Variants in EPC1 observed in about 807,000 individuals in gnomAD.
EPC1 encodes enhancer of polycomb 1, also known as enhancer of polycomb homolog 1.
Under a neutral mutation model 98.4 loss-of-function variants are expected in EPC1, and 12 were observed. The ratio of observed to expected loss-of-function variants is 0.12; its 90% CI spans 0.08 to 0.20. The LOEUF (loss-of-function observed/expected upper bound fraction) is 0.20, where lower values mean the gene tolerates loss of function less well. Ranked by LOEUF, EPC1 falls within the 10% of genes least tolerant of loss-of-function variation. The pLI is 1.00. For missense variants in EPC1, 729 were observed against 990.5 expected (o/e 0.74, Z 3.54); for synonymous variants, 357 against 363.9 (o/e 0.98, Z 0.21).
intron 1 of EPC1, among the ~76,000 whole-genome samples, chr10:32,326,753 G>C (rs760550227): frequency 6.6e-6 from 1 of 152,018 alleles, no homozygotes; most frequent in Non-Finnish European, 1.5e-5. Context: ...TCTAGAGGAA[G>C]AGGTTAAAAA....
rs1345107479 is a variant in EPC1 at position 32,269,016 on chromosome 10, C to A, written c.*47G>T. 3 of 1,494,506 alleles carry A rather than the reference C, an allele frequency of 2.0e-6. No individual in the cohort carries two copies. The highest frequency in any genetic ancestry group is 1.9e-6 in the Non-Finnish European group (2 of 1,074,444). The allele number at this position is 1,494,506 out of a possible 1,614,324, so 92.6% of individuals were successfully genotyped here. ...CCTTGCATTCAAAATGCTACTGATG[C>A]ATAGCACCTAATCAAGTCCCCAGGC... is the stretch of plus-strand genomic sequence containing the variant. On this transcript the variant is annotated 3_prime_UTR_variant, in exon 14 of 14. Transcript: ENST00000319778.
chr10:32,311,661 A>G (rs1356641736), intron 1 of EPC1, among the ~76,000 whole-genome samples: 3 of 152,208 alleles, frequency 2.0e-5, no homozygotes, highest in Non-Finnish European at 2.9e-5. Flanking sequence ...ATCTCAGTGG[A>G]TGGCTGAAAC....
intron 1 of EPC1, among the ~76,000 whole-genome samples, chr10:32,359,627 A>G (rs960586678): frequency 6.6e-6 from 1 of 152,194 alleles, no homozygotes; most frequent in Non-Finnish European, 1.5e-5. Flanking sequence ...TTTTTGAATG[A>G]TAGTTTTACC....
chr10:32,330,466 G>A (rs1378105808), intron 1 of EPC1, among the ~76,000 whole-genome samples: 4 of 152,144 alleles, frequency 2.6e-5, no homozygotes, highest in South Asian at 2.1e-4. Context: ...TACATCACAA[G>A]TATGCCTTTC....
At chr10:32,368,776 T>C (rs1458469330) in intron 1 of EPC1, among the ~76,000 whole-genome samples, 4 of 152,198 alleles carry the variant, frequency 2.6e-5, no homozygotes, top group Non-Finnish European at 4.4e-5. Flanking sequence ...TATTTTGATC[T>C]CTGAAATCAG....
At chr10:32,292,777 C>G in intron 4 of EPC1, 133 bp from the exon 5 acceptor site, 1 of 925,382 alleles carries the variant, frequency 1.1e-6, no homozygotes, top group Non-Finnish European at 1.5e-6. Context: ...CACAGATCAC[C>G]AGGAAATCAA....
chr10:32,324,453 C>T (rs1158680612), intron 1 of EPC1, among the ~76,000 whole-genome samples: 1 of 150,776 alleles, frequency 6.6e-6, no homozygotes, highest in Non-Finnish European at 1.5e-5. Flanking sequence ...ATCGCTTGAA[C>T]TCGAGATGCC....
chr10:32,316,546 A>G (rs1836557148), intron 1 of EPC1, among the ~76,000 whole-genome samples: 1 of 152,224 alleles, frequency 6.6e-6, no homozygotes, highest in African/African-American at 2.4e-5. Context: ...AAAACACCAT[A>G]GGGAGTAAAA....
At chr10:32,345,731 C>T in intron 1 of EPC1, 2 of 613,240 alleles carry the variant, frequency 3.3e-6, no homozygotes, top group Non-Finnish European at 2.0e-6. Flanking sequence ...TCAACATTTA[C>T]GTGCTGAAAC....
At position 32,286,858 on chromosome 10, in the gene EPC1, C is replaced by T. The variant is rs917839681; in HGVS notation, c.1243-16G>A. The stretch of plus-strand genomic sequence containing the variant: ...CTAAGTGAGGCTTAAAAAAAAAAAT[C>T]CAAATTATTTAATTTTGTCAGTTAA... On this transcript the variant is annotated splice_polypyrimidine_tract_variant and intron_variant, in intron 8 of 13. Coordinates refer to ENST00000319778, the MANE Select transcript of EPC1 (RefSeq NM_001272004.3). The T allele has an allele frequency of 1.9e-6, 3 of 1,606,766 alleles. No homozygotes were observed. The highest frequency in any genetic ancestry group is 1.1e-5 in the South Asian group (1 of 89,898).
At chr10:32,323,833 T>G (rs919753085) in intron 1 of EPC1, among the ~76,000 whole-genome samples, 2 of 152,222 alleles carry the variant, frequency 1.3e-5, no homozygotes, top group Admixed American at 1.3e-4. Context: ...AATGTTGCCA[T>G]GAGGATTAAA....
Position 32,294,395 on chromosome 10 carries a change from T to C in EPC1, c.314-658A>G, listed in dbSNP as rs12416184. On this transcript the variant is annotated intron_variant, in intron 2 of 13. Transcript: ENST00000319778. ...TTTTTTCACATATACTTTATATGCA[T>C]AGCCTGATGGTGATTTTATGTAATA... Among the ~76,000 whole-genome samples, 214 of 152,352 alleles carry C rather than the reference T, an allele frequency of 1.4e-3. 3 individuals are homozygous for C. The highest frequency in any genetic ancestry group is 0.012 in the Admixed American group (190 of 15,304).
chr10:32,287,676 A>G (rs1836760467), intron 6 of EPC1, among the ~76,000 whole-genome samples: 1 of 152,178 alleles, frequency 6.6e-6, no homozygotes, highest in African/African-American at 2.4e-5. Flanking sequence ...TAATAAATAT[A>G]GGACAAATAA....
intron 1 of EPC1, among the ~76,000 whole-genome samples, chr10:32,373,643 C>T (rs1839811163): frequency 6.6e-6 from 1 of 152,122 alleles, no homozygotes; most frequent in Non-Finnish European, 1.5e-5. Flanking sequence ...GGATTTCTTC[C>T]TTTACAACAA....
intron 1 of EPC1, among the ~76,000 whole-genome samples, chr10:32,355,773 G>T (rs567126021): frequency 1.6e-4 from 24 of 152,160 alleles, no homozygotes; most frequent in South Asian, 4.1e-4. Context: ...ACCACACCCA[G>T]CTAATTTTTG....
At chr10:32,297,890 C>T (rs879654258) in intron 2 of EPC1, among the ~76,000 whole-genome samples, 14 of 152,060 alleles carry the variant, frequency 9.2e-5, no homozygotes, top group African/African-American at 2.7e-4. Flanking sequence ...CTCCGCCTCC[C>T]GGATTAACAC....
chr10:32,361,634 T>A (rs1467411603), intron 1 of EPC1, among the ~76,000 whole-genome samples: 1 of 152,104 alleles, frequency 6.6e-6, no homozygotes, highest in Non-Finnish European at 1.5e-5. Flanking sequence ...AGACACCCCC[T>A]ATGGGGCAAG....
At chr10:32,372,897 G>T (rs35247001) in intron 1 of EPC1, among the ~76,000 whole-genome samples, 5,084 of 152,152 alleles carry the variant, frequency 0.033, 281 homozygotes, top group African/African-American at 0.11. Flanking sequence ...GGTGGCGGGC[G>T]CCTGTAATCC....
At chr10:32,373,708 C>T (rs557734886) in intron 1 of EPC1, among the ~76,000 whole-genome samples, 2 of 152,250 alleles carry the variant, frequency 1.3e-5, no homozygotes, top group South Asian at 4.2e-4. Context: ...GGATATGATG[C>T]CTGGGTCTGC....
Sources: allele counts gnomAD v4.1 joint callset (sites outside exome capture counted in the v4.1 genomes callset), GRCh38; gene constraint gnomAD v4.1.1; transcripts MANE v1.5; gene names NCBI Gene and HGNC (gene_info 2026-07-23, HGNC 2026-07-21).